SNX17: variants seen among roughly 807,000 people sequenced by gnomAD.
SNX17 encodes the protein sorting nexin-17.
In SNX17, 35 loss-of-function variants were observed where a neutral mutation model predicts 64.3. That is an observed-to-expected ratio of 0.54 (90% CI 0.42 to 0.72). The LOEUF (loss-of-function observed/expected upper bound fraction) is 0.72. Among genes scored for constraint, SNX17 ranks in the 30% least tolerant of loss-of-function variants. SNX17 has a pLI of 0.00. For missense variants in SNX17, 538 were observed against 610.0 expected, an observed-to-expected ratio of 0.88 and a Z score of 1.24; for synonymous variants, 259 against 230.2, an observed-to-expected ratio of 1.13 and a Z score of -1.13.
intron 11 of SNX17, 52 bp downstream of exon 11, chr2:27,376,023 C>G (rs1182413218): frequency 6.2e-7 from 1 of 1,613,718 alleles, no homozygotes; most frequent in Non-Finnish European, 8.5e-7. Flanking sequence ...TGTAGAGTTT[C>G]CAGTACTCAA....
chr2:27,374,471 CTG>C, intron 7 of SNX17, 38 bp downstream of exon 7: 1 of 1,553,774 alleles, frequency 6.4e-7, no homozygotes, highest in Non-Finnish European at 8.9e-7. Flanking sequence ...GTGGGAGGTG[CTG>C]TGCTGGATTG....
Position 27,375,437 on chromosome 2 carries a change from CG to C in SNX17, c.775-65del. 1 of 1,560,540 alleles carries C rather than the reference CG, an allele frequency of 6.4e-7. No individual in the cohort carries two copies. Among genetic ancestry groups the C allele is most frequent in the African/African-American group, 1.4e-5 (1 of 73,990 alleles). Reference sequence around the variant, plus strand: ...ATAGGCATGAGCCACCGCGCCCGACCGGGGTTGCTTTTTCTGAGCTGCCCCA... The same window carrying C: ...ATAGGCATGAGCCACCGCGCCCGACCGGGTTGCTTTTTCTGAGCTGCCCCA... On this transcript the variant is annotated intron_variant, in intron 9 of 14. Coordinates refer to ENST00000233575, the MANE Select transcript of SNX17 (RefSeq NM_014748.4). This position sits in a 1 kb window ranked among gnomAD's most constrained non-coding sequence, Gnocchi z 4.1.
intron 14 of SNX17, 35 bp downstream of exon 14, chr2:27,376,555 G>C (rs778149828): frequency 6.2e-7 from 1 of 1,614,134 alleles, no homozygotes; most frequent in Admixed American, 1.7e-5. Flanking sequence ...GCTGTTTGTT[G>C]GGGGATCTTG....
Position 27,373,082 on chromosome 2 carries a change from C to T in SNX17, c.257-165C>T, listed in dbSNP as rs1289521627. 3 of 1,555,400 alleles carry T rather than the reference C, an allele frequency of 1.9e-6. No homozygotes were observed. In the East Asian group the frequency reaches 7.3e-5, roughly 38 times the overall value. ...ACCTAGATGGCAGCCAAGGGTGGGG[C>T]AGGTGAAGAATTTATGCAAACAGTG... On this transcript the variant is annotated intron_variant, in intron 3 of 14. Coordinates refer to ENST00000233575, the MANE Select transcript of SNX17 (RefSeq NM_014748.4).
chr2:27,374,298 T>C (rs1286212954), intron 6 of SNX17, 48 bp from the exon 7 acceptor site: 1 of 1,502,516 alleles, frequency 6.7e-7, no homozygotes, highest in Non-Finnish European at 9.2e-7. Flanking sequence ...TTGATTTCCC[T>C]TCCTTTAAAT....
In SNX17 at chr2:27,375,577, A is replaced by G; in HGVS notation, c.846A>G (p.Pro282=). ...TTGATGCCTGTGTGGCTGACTTCCC[A>G]GAAAAGGACTGTCCTGTGGTGGTGA... ...LRFDACVADF[P]EKDCPVVVSA... Residue 282 remains proline (P), a synonymous_variant, in exon 10 of 15, where the codon CCA becomes CCG. Transcript: ENST00000233575. This position sits in a 1 kb window ranked among gnomAD's most constrained non-coding sequence, Gnocchi z 4.1. 6.2e-7 allele frequency: 1 copy of G among 1,614,154 alleles called. No homozygotes were observed. Among genetic ancestry groups the G allele is most frequent in the Non-Finnish European group, 8.5e-7 (1 of 1,180,036 alleles).
chr2:27,371,396 G>A, intron 2 of SNX17, 53 bp downstream of exon 2: 1 of 1,570,890 alleles, frequency 6.4e-7, no homozygotes, highest in Non-Finnish European at 8.6e-7. Context: ...CCTACACGTG[G>A]ACATCAGTGT....
intron 4 of SNX17, among the ~76,000 whole-genome samples, 167 bp from the exon 5 acceptor site, chr2:27,373,694 T>C (rs914648162): frequency 1.3e-5 from 2 of 152,152 alleles, no homozygotes; most frequent in African/African-American, 4.8e-5. Flanking sequence ...AGAGGAGTCA[T>C]CTTTTTTAAT....
At chr2:27,370,879 C>G (rs1682414987) in intron 1 of SNX17, 73 bp downstream of exon 1, 3 of 1,481,070 alleles carry the variant, frequency 2.0e-6, no homozygotes, top group Non-Finnish European at 1.8e-6. Context: ...TCGGAGCGGC[C>G]TCTGAGGCCT....
Position 27,375,860 on chromosome 2 carries a change from T to C in SNX17, c.993T>C (p.Ser331=). The part of the protein sequence containing the change: ...WRVTSSVPLP[S]GSTSSPGRGR... ...TCCTCTCCCAGGTACCATTGCCCAG[T>C]GGAAGCACGAGCAGCCCAGGCCGGG... The change falls in exon 11 of 15, where the codon AGT becomes AGC. Residue 331 remains serine, a synonymous_variant. Coordinates refer to ENST00000233575, the MANE Select transcript of SNX17 (RefSeq NM_014748.4). The surrounding 1 kb of genome is among the most constrained non-coding windows in gnomAD (Gnocchi z 4.1). 4 of 1,614,068 alleles carry C rather than the reference T, an allele frequency of 2.5e-6. No individual in the cohort carries two copies. Among genetic ancestry groups the C allele is most frequent in the Non-Finnish European group, 3.4e-6 (4 of 1,179,998 alleles).
In SNX17 at chr2:27,375,420, G is replaced by A. The variant is rs1394826768; in HGVS notation, c.775-86G>A. The A allele has an allele frequency of 7.0e-7, 1 of 1,427,544 alleles. No individual in the cohort carries two copies. The highest frequency in any genetic ancestry group is 9.8e-7 in the Non-Finnish European group (1 of 1,022,328). 88.4% of individuals were successfully genotyped at this position (1,427,544 alleles called of 1,614,324 possible). ...CCTAAAGTGCTGGGATTATAGGCAT[G>A]AGCCACCGCGCCCGACCGGGGTTGC... On this transcript the variant is annotated intron_variant, in intron 9 of 14. Coordinates refer to ENST00000233575, the MANE Select transcript of SNX17 (RefSeq NM_014748.4). This position sits in a 1 kb window ranked among gnomAD's most constrained non-coding sequence, Gnocchi z 4.1.
chr2:27,376,211 G>C, intron 12 of SNX17, 28 bp downstream of exon 12: 1 of 1,613,664 alleles, frequency 6.2e-7, no homozygotes, highest in Non-Finnish European at 8.5e-7. Flanking sequence ...ACTGAGCAGT[G>C]AGCAGGTGTG....
Position 27,370,734 on chromosome 2 carries a change from CG to C in SNX17, c.-9del. 1 of 1,548,028 alleles carries C rather than the reference CG, an allele frequency of 6.5e-7. No individual in the cohort carries two copies. The highest frequency in any genetic ancestry group is 2.4e-5 in the East Asian group (1 of 40,840). The stretch of plus-strand genomic sequence containing the variant: ...AGTCCGGAGCCCGGCCGTGCCGTGC[CG>C]TAGGGAACATGCACTTTTCCATTCC... On this transcript the variant is annotated 5_prime_UTR_variant, in exon 1 of 15. Transcript: ENST00000233575.
At chr2:27,371,126 T>C in intron 1 of SNX17, 143 bp from the exon 2 acceptor site, 1 of 780,510 alleles carries the variant, frequency 1.3e-6, no homozygotes, top group Non-Finnish European at 2.1e-6. Context: ...CTTTGGGACT[T>C]GGCCCTGGCG....
intron 11 of SNX17, 45 bp from the exon 12 acceptor site, chr2:27,376,061 C>CA (rs1400996532): frequency 1.2e-6 from 2 of 1,613,494 alleles, no homozygotes; most frequent in Non-Finnish European, 1.7e-6. Flanking sequence ...GTGCTGGGCT[C>CA]AGAGTGACCA....
In SNX17 at chr2:27,372,626, C is replaced by T. The variant is rs898029068; in HGVS notation, c.142C>T (p.Arg48Trp). ...TTGTATCTCTTTCTCTAAATAGCTT[C>T]GGAAGGAGTATGGGGCCAATGTGCT... ...SQLLGLHEQL[R>W]KEYGANVLPA... Residue 48 changes from arginine (R) to tryptophan (W), a missense_variant, in exon 3 of 15, where the codon CGG becomes TGG. Arg to Trp is a moderately radical substitution (Grantham distance 101, BLOSUM62 -3). This residue lies in a region of SNX17 where 505 missense variants were observed against 550.4 expected (regional missense o/e 0.92). Transcript: ENST00000233575. 3.1e-6 allele frequency: 5 copies of T among 1,614,156 alleles called. No homozygotes were observed. Among genetic ancestry groups the T allele is most frequent in the Non-Finnish European group, 4.2e-6 (5 of 1,180,026 alleles).
chr2:27,373,622 C>CA (rs762075819), intron 4 of SNX17, among the ~76,000 whole-genome samples: 8 of 152,208 alleles, frequency 5.3e-5, no homozygotes, highest in Non-Finnish European at 1.0e-4. Context: ...CTTGGCCTCC[C>CA]AAAGTGCTGG....
intron 3 of SNX17, 146 bp from the exon 4 acceptor site, chr2:27,373,101 A>G: frequency 6.4e-7 from 1 of 1,570,052 alleles, no homozygotes; most frequent in Non-Finnish European, 8.7e-7. Context: ...AATTTATGCA[A>G]ACAGTGAGTG....
intron 12 of SNX17, 31 bp from the exon 13 acceptor site, chr2:27,376,282 G>T: frequency 6.2e-7 from 1 of 1,611,758 alleles, no homozygotes; most frequent in Non-Finnish European, 8.5e-7. Context: ...AAGTGATCCT[G>T]CCCTCACCGG....
Sources: gnomAD v4.1 joint callset for allele counts (sites outside exome capture counted in the v4.1 genomes callset) on GRCh38, gnomAD v4.1.1 for gene constraint, gnomAD v4.1.1 regional missense constraint, Gnocchi (gnomAD v3.1) non-coding constraint, MANE v1.5 for transcripts, NCBI Gene and HGNC (gene_info 2026-07-23, HGNC 2026-07-21) for gene names.